The following MCF2L variants were observed in gnomAD, a reference collection of about 807,000 sequenced individuals.
MCF2L encodes the protein MCF.2 cell line derived transforming sequence like, also known as guanine nucleotide exchange factor DBS.
In MCF2L, 97 loss-of-function variants were observed where a neutral mutation model predicts 153.4. The observed-to-expected ratio is 0.63, with a 90% CI of 0.54 to 0.75. The LOEUF is 0.75. MCF2L is among the 30% of genes least tolerant of loss of function. The pLI, the probability that MCF2L is intolerant of heterozygous loss-of-function variation, is 0.00. For synonymous variants in MCF2L, 659 were observed against 632.2 expected (o/e 1.04, Z -0.64); for missense variants, 1,347 against 1,495.2 (o/e 0.90, Z 1.64).
intron 4 of MCF2L, 45 bp from the exon 5 acceptor site, chr13:113,060,548 C>A: frequency 6.2e-7 from 1 of 1,604,468 alleles, no homozygotes; most frequent in Non-Finnish European, 8.5e-7. Context: ...GGGCTGCTGT[C>A]TGCAGAGCAC....
At chr13:112,989,845 C>T (rs555133562) in intron 1 of MCF2L, among the ~76,000 whole-genome samples, 1 of 152,352 alleles carries the variant, frequency 6.6e-6, no homozygotes, top group South Asian at 2.1e-4. Context: ...CACCGGGGAC[C>T]AGTTTCATGG....
chr13:112,979,593 G>T, intron 1 of MCF2L: 1 of 1,599,160 alleles, frequency 6.3e-7, no homozygotes, highest in Non-Finnish European at 8.5e-7. Context: ...TAGCATCAGG[G>T]GGTCGCCTGT....
rs2081806435 is a variant in MCF2L, at chr13:112,960,097, T to G, written c.170-54666T>G. Among the ~76,000 whole-genome samples, 1 of 152,232 alleles carries G rather than the reference T, an allele frequency of 6.6e-6. No individual in the cohort carries two copies. The highest frequency in any genetic ancestry group is 1.5e-5 in the Non-Finnish European group (1 of 68,040). On this transcript the variant is annotated intron_variant, in intron 2 of 29. Transcript: ENST00000375608. This position sits in a 1 kb window ranked among gnomAD's most constrained non-coding sequence, Gnocchi z 4.2. ...CGGACGCCTGCCCTCAGGGGCTGTG[T>G]CTTTGTCTGTTTTCTGCTGCTATAA...
intron 1 of MCF2L, among the ~76,000 whole-genome samples, chr13:113,007,095 C>A (rs1424187588): frequency 6.6e-6 from 1 of 152,122 alleles, no homozygotes; most frequent in Non-Finnish European, 1.5e-5. Context: ...CCCTCTGCCC[C>A]TTGATTTTTT....
chr13:113,065,331 A>G (rs577151989), intron 7 of MCF2L: 3 of 530,942 alleles, frequency 5.7e-6, no homozygotes, highest in Non-Finnish European at 1.0e-5. Flanking sequence ...TGCGCCTGCC[A>G]TTCTGGCGTT....
At chr13:112,975,053 T>C (rs1415557111) in intron 1 of MCF2L, among the ~76,000 whole-genome samples, 1 of 152,230 alleles carries the variant, frequency 6.6e-6, no homozygotes, top group South Asian at 2.1e-4. Flanking sequence ...AGGATACCAC[T>C]GTAAGTAGTA....
intron 2 of MCF2L, among the ~76,000 whole-genome samples, chr13:112,915,405 TCTC>T (rs2081280828): frequency 1.8e-4 from 1 of 5,522 alleles, no homozygotes; most frequent in Non-Finnish European, 3.3e-4. Context: ...CAAGACTCTG[TCTC>T]ACAAAAAAAA....
Position 112,976,797 on chromosome 13 carries a change from G to A in MCF2L, c.79+7339G>A, listed in dbSNP as rs550798770. 4.6e-5 allele frequency among the ~76,000 whole-genome samples: 7 copies of A among 152,276 alleles called. No individual in the cohort carries two copies. The South Asian group carries it at 8.3e-4, about 18-fold the overall frequency. Reference sequence around the variant, plus strand: ...GCCGTGAGGAGACACACACCAAACCGGACACACAGGCCTCCTGGGCAGCGG... The same window carrying A: ...GCCGTGAGGAGACACACACCAAACCAGACACACAGGCCTCCTGGGCAGCGG... On this transcript the variant is annotated intron_variant, in intron 1 of 29. Coordinates refer to ENST00000535094, the MANE Select transcript of MCF2L (RefSeq NM_001112732.3).
In MCF2L at chr13:113,074,394, T is replaced by C. The variant is rs2033225516; in HGVS notation, c.997-50T>C. 1.3e-6 allele frequency: 2 copies of C among 1,591,336 alleles called. No homozygotes were observed. The highest frequency in any genetic ancestry group is 4.5e-5 in the East Asian group (2 of 44,272). ...CTGGAGCACTGGAGTGGGTTCTCTC[T>C]GTTCAGGTGAGGGAGACACCCCCCT... On this transcript the variant is annotated intron_variant, in intron 9 of 29. Coordinates refer to ENST00000535094, the MANE Select transcript of MCF2L (RefSeq NM_001112732.3). This position sits in a 1 kb window ranked among gnomAD's most constrained non-coding sequence, Gnocchi z 4.2.
intron 1 of MCF2L, among the ~76,000 whole-genome samples, chr13:112,990,222 C>T (rs2082846090): frequency 6.6e-6 from 1 of 152,178 alleles, no homozygotes; most frequent in African/African-American, 2.4e-5. Flanking sequence ...ACTACCACAC[C>T]CTTCGTCACT....
At chr13:112,998,106 CCAT>C (rs1199866533) in intron 1 of MCF2L, among the ~76,000 whole-genome samples, 3 of 152,244 alleles carry the variant, frequency 2.0e-5, no homozygotes, top group Admixed American at 2.0e-4. Context: ...GGGCCACTTT[CCAT>C]CCTGTGTTCC....
At chr13:112,944,781 C>T (rs1307204022) in intron 2 of MCF2L, among the ~76,000 whole-genome samples, 1 of 152,120 alleles carries the variant, frequency 6.6e-6, no homozygotes, top group Admixed American at 6.5e-5. Context: ...CCACCGCGCC[C>T]GGCCAAACCT....
At chr13:113,044,204 A>T in intron 3 of MCF2L, 2 of 228,078 alleles carry the variant, frequency 8.8e-6, no homozygotes, top group East Asian at 9.6e-5. Context: ...GCTGTTATTG[A>T]ATCAAATTAC....
intron 12 of MCF2L, among the ~76,000 whole-genome samples, chr13:113,076,510 C>A (rs1459991803): frequency 2.0e-5 from 3 of 152,152 alleles, no homozygotes; most frequent in Non-Finnish European, 2.9e-5. Flanking sequence ...GGTGATCCAC[C>A]CAGCTCAACC....
chr13:112,915,924 C>T (rs965665449), intron 2 of MCF2L, among the ~76,000 whole-genome samples: 1 of 151,778 alleles, frequency 6.6e-6, no homozygotes, highest in Middle Eastern at 3.2e-3. Context: ...ACAGGCCGGG[C>T]GCAGTGGCTC....
At chr13:112,950,760 A>G (rs1269897555) in intron 2 of MCF2L, among the ~76,000 whole-genome samples, 1 of 152,258 alleles carries the variant, frequency 6.6e-6, no homozygotes, top group Non-Finnish European at 1.5e-5. Flanking sequence ...TAAACATGAA[A>G]TATAAAACTA....
At chr13:113,047,012 G>A (rs777317969) in intron 4 of MCF2L, 2 of 157,998 alleles carry the variant, frequency 1.3e-5, no homozygotes, top group Non-Finnish European at 2.8e-5. Context: ...TTCTGAGGGG[G>A]CCTCAGGGAG....
intron 2 of MCF2L, among the ~76,000 whole-genome samples, chr13:113,017,275 GTC>G (rs2084590740): frequency 6.6e-6 from 1 of 152,208 alleles, no homozygotes; most frequent in African/African-American, 2.4e-5. Context: ...ACTGGGGCTC[GTC>G]TCTCAGGTTC....
chr13:112,921,094 G>A (rs529202106), intron 2 of MCF2L, among the ~76,000 whole-genome samples: 49 of 152,078 alleles, frequency 3.2e-4, no homozygotes, highest in Admixed American at 8.5e-4. Context: ...GGAGAATGGC[G>A]TGAATCCGGG....
Sources: allele counts gnomAD v4.1 joint callset (sites outside exome capture counted in the v4.1 genomes callset), GRCh38; gene constraint gnomAD v4.1.1; non-coding constraint Gnocchi (gnomAD v3.1); transcripts MANE v1.5; gene names NCBI Gene and HGNC (gene_info 2026-07-23, HGNC 2026-07-21).